Variants in SCN10A observed in about 807,000 individuals in gnomAD.
SCN10A encodes sodium voltage-gated channel alpha subunit 10, also known as sodium channel protein type 10 subunit alpha.
Under a neutral mutation model 170.7 loss-of-function variants are expected in SCN10A, and 162 were observed. The observed-to-expected ratio is 0.95, with a 90% CI of 0.84 to 1.08. SCN10A has a LOEUF of 1.08. SCN10A is among the 50% of genes least tolerant of loss of function. The pLI, the probability that SCN10A is intolerant of heterozygous loss-of-function variation, is 0.00. For synonymous variants in SCN10A, 985 were observed against 904.6 expected, an observed-to-expected ratio of 1.09 and a Z score of -1.59; for missense variants, 2,527 against 2,436.9, an observed-to-expected ratio of 1.04 and a Z score of -0.78.
intron 4 of SCN10A, among the ~76,000 whole-genome samples, chr3:38,774,108 T>G (rs943160067): frequency 6.6e-6 from 1 of 152,208 alleles, no homozygotes; most frequent in Admixed American, 6.5e-5. Flanking sequence ...GTGAATAATT[T>G]TTTTTCACAT....
intron 4 of SCN10A, among the ~76,000 whole-genome samples, chr3:38,777,545 A>C (rs2064090160): frequency 6.6e-6 from 1 of 152,114 alleles, no homozygotes; most frequent in Non-Finnish European, 1.5e-5. Flanking sequence ...AATTCAGTGC[A>C]TTACCAAACA....
rs775297492 is a variant in SCN10A at position 38,794,047 on chromosome 3, T to G, written c.-32-5A>C. On this transcript the variant is annotated splice_polypyrimidine_tract_variant and splice_region_variant and intron_variant, in intron 1 of 27. Coordinates refer to ENST00000449082, the MANE Select transcript of SCN10A (RefSeq NM_006514.4). ...TCTTCAGGAAGTATTTATACTCTTA[T>G]AAGAGTGGACATAACCACAGAGAGG... is the stretch of plus-strand genomic sequence containing the variant. 6.3e-7 allele frequency: 1 copy of G among 1,598,054 alleles called. No homozygotes were observed. The highest frequency in any genetic ancestry group is 1.3e-5 in the African/African-American group (1 of 74,562).
chr3:38,705,021 C>T (rs1257701787), intron 26 of SCN10A, among the ~76,000 whole-genome samples: 3 of 152,194 alleles, frequency 2.0e-5, no homozygotes, highest in Non-Finnish European at 2.9e-5. Flanking sequence ...GCTTGTGCCA[C>T]TGGGCATGTG....
chr3:38,726,531 C>T (rs2063456726), intron 17 of SCN10A, 75 bp downstream of exon 17: 1 of 1,215,378 alleles, frequency 8.2e-7, no homozygotes, highest in Middle Eastern at 2.0e-4. Flanking sequence ...TCTGCATTTC[C>T]CTTTTGCCCT....
rs150127567 is a variant in SCN10A at position 38,791,799 on chromosome 3, G to A, written c.389+251C>T. ...TGTTTTTCAAGTTGTGCATCCACAG[G>A]TGTGTCTAGATTAGTCTGAGGTGAA... On this transcript the variant is annotated intron_variant, in intron 3 of 27. Transcript: ENST00000449082. Among the ~76,000 whole-genome samples the A allele has an allele frequency of 7.7e-3, 1,171 of 152,270 alleles. 10 individuals are homozygous for A. Among genetic ancestry groups the A allele is most frequent in the African/African-American group, 0.027 (1,106 of 41,544 alleles).
intron 17 of SCN10A, 22 bp from the exon 18 acceptor site, chr3:38,725,336 T>C (rs768278218): frequency 1.3e-6 from 2 of 1,552,560 alleles, no homozygotes; most frequent in Non-Finnish European, 1.8e-6. Context: ...GGGTCCCAAC[T>C]GGGTGCCTGG....
chr3:38,700,706 A>G (rs879632762), intron 27 of SCN10A, among the ~76,000 whole-genome samples: 16 of 152,256 alleles, frequency 1.1e-4, no homozygotes, highest in African/African-American at 2.9e-4. Context: ...GCTGTGTTTC[A>G]GCACCAAGGT....
At chr3:38,743,076 A>T (rs557999097) in intron 13 of SCN10A, among the ~76,000 whole-genome samples, 1 of 152,148 alleles carries the variant, frequency 6.6e-6, no homozygotes, top group South Asian at 2.1e-4. Context: ...CCATTCCTTC[A>T]TTCTTCCAGA....
At chr3:38,789,195 C>G (rs1240451857) in intron 3 of SCN10A, among the ~76,000 whole-genome samples, 159 bp from the exon 4 acceptor site, 1 of 152,148 alleles carries the variant, frequency 6.6e-6, no homozygotes, top group Non-Finnish European at 1.5e-5. Context: ...AGTGCCTAAG[C>G]TAGGCTGAGT....
At chr3:38,709,176 T>C (rs1407630968) in intron 25 of SCN10A, among the ~76,000 whole-genome samples, 1 of 152,128 alleles carries the variant, frequency 6.6e-6, no homozygotes. Flanking sequence ...ATCCCTTTCT[T>C]TCCCTGCTTG....
intron 1 of SCN10A, among the ~76,000 whole-genome samples, chr3:38,807,208 A>G (rs2064409840): frequency 6.6e-6 from 1 of 152,174 alleles, no homozygotes; most frequent in South Asian, 2.1e-4. Context: ...AAAGTCACTA[A>G]TGTAGATAAT....
chr3:38,740,075 C>T (rs145245086), intron 14 of SCN10A, among the ~76,000 whole-genome samples: 1 of 152,330 alleles, frequency 6.6e-6, no homozygotes, highest in Non-Finnish European at 1.5e-5. Context: ...CATTTCCTAG[C>T]TTATGTAAGC....
At chr3:38,810,946 CTT>C (rs2064437765) in intron 1 of SCN10A, among the ~76,000 whole-genome samples, 1 of 152,162 alleles carries the variant, frequency 6.6e-6, no homozygotes, top group Non-Finnish European at 1.5e-5. Context: ...CATTTTTACA[CTT>C]ATCACATCTT....
intron 14 of SCN10A, among the ~76,000 whole-genome samples, chr3:38,740,110 G>C (rs993368512): frequency 6.6e-6 from 1 of 152,178 alleles, no homozygotes; most frequent in Admixed American, 6.5e-5. Context: ...CATCCTTCCT[G>C]TACCTCAATT....
chr3:38,726,741 G>A lies in SCN10A; in HGVS notation c.2952C>T (p.His984=). The change falls in exon 17 of 28, where the codon CAC becomes CAT. Residue 984 remains histidine, a synonymous_variant. Coordinates refer to ENST00000449082, the MANE Select transcript of SCN10A (RefSeq NM_006514.4). The part of the protein sequence containing the change: ...LQAPRGPRDE[H]SDFIANPTVW... Reference sequence around the variant, plus strand: ...CAGTCGGATTAGCGATGAAGTCACTGTGCTCATCCCTGGGGCCTCTGGGAG... The same window carrying A: ...CAGTCGGATTAGCGATGAAGTCACTATGCTCATCCCTGGGGCCTCTGGGAG... The A allele has an allele frequency of 6.2e-7, 1 of 1,613,052 alleles. No homozygotes were observed. Among genetic ancestry groups the A allele is most frequent in the Non-Finnish European group, 8.5e-7 (1 of 1,179,060 alleles).
intron 4 of SCN10A, among the ~76,000 whole-genome samples, chr3:38,776,282 G>A (rs2064073369): frequency 6.6e-6 from 1 of 152,012 alleles, no homozygotes; most frequent in Non-Finnish European, 1.5e-5. Flanking sequence ...TTTTTACAAT[G>A]GAGGCCATTC....
chr3:38,716,005 T>C (rs1008663528), intron 21 of SCN10A, among the ~76,000 whole-genome samples: 1 of 152,068 alleles, frequency 6.6e-6, no homozygotes, highest in Non-Finnish European at 1.5e-5. Flanking sequence ...GGTGATTGCA[T>C]AGAGGGATGA....
chr3:38,777,999 TA>T (rs1339489810), intron 4 of SCN10A, among the ~76,000 whole-genome samples: 1 of 152,012 alleles, frequency 6.6e-6, no homozygotes, highest in African/African-American at 2.4e-5. Flanking sequence ...TATATGGCAA[TA>T]AAAAATGAAT....
chr3:38,753,211 G>C (rs368652459), intron 11 of SCN10A, among the ~76,000 whole-genome samples: 1 of 152,192 alleles, frequency 6.6e-6, no homozygotes, highest in Non-Finnish European at 1.5e-5. Context: ...GAACTGTGTG[G>C]CTTAAAGTTG....
Sources: gnomAD v4.1 joint callset for allele counts (sites outside exome capture counted in the v4.1 genomes callset) on GRCh38, gnomAD v4.1.1 for gene constraint, MANE v1.5 for transcripts, NCBI Gene and HGNC (gene_info 2026-07-23, HGNC 2026-07-21) for gene names.